Variants in SH3BGRL observed in about 807,000 individuals in gnomAD.
SH3BGRL encodes adapter SH3BGRL.
SH3BGRL carries 7 observed loss-of-function variants against 9.8 expected under a neutral mutation model. That is an observed-to-expected ratio of 0.72 (90% CI 0.41 to 1.35). The LOEUF is 1.35. Ranked by LOEUF, SH3BGRL falls within the 40% of genes most tolerant of loss-of-function variation. The probability of loss-of-function intolerance (pLI) is 0.01; values close to 1 mark genes in which losing one functional copy is unlikely to be tolerated. For missense variants in SH3BGRL, 73 were observed against 84.4 expected, an observed-to-expected ratio of 0.86 and a Z score of 0.53; for synonymous variants, 36 against 29.1, an observed-to-expected ratio of 1.24 and a Z score of -0.76.
chrX:81,215,467 G>A (rs774209208), intron 1 of SH3BGRL, among the ~76,000 whole-genome samples: 9 of 111,024 alleles, frequency 8.1e-5, no homozygotes, highest in African/African-American at 6.6e-5. Flanking sequence ...CCCAGGCTCC[G>A]AAGGACGAGA....
At chrX:81,276,925 C>T (rs867517701) in intron 1 of SH3BGRL, 59 bp from the exon 2 acceptor site, 2 of 1,022,879 alleles carry the variant, frequency 2.0e-6, no homozygotes, top group Middle Eastern at 2.8e-4. Context: ...TCTGCCAGCT[C>T]ACAAACATTT....
intron 1 of SH3BGRL, among the ~76,000 whole-genome samples, chrX:81,223,540 A>T (rs1434729990): frequency 1.4e-4 from 15 of 107,412 alleles, no homozygotes; most frequent in Non-Finnish European, 2.5e-4. Context: ...AAGTCTGATG[A>T]TTTTTTTTTT....
chrX:81,253,498 C>T (rs946980975), intron 1 of SH3BGRL, among the ~76,000 whole-genome samples: 19 of 111,320 alleles, frequency 1.7e-4, no homozygotes, highest in African/African-American at 4.3e-4. Context: ...GAATTACAAG[C>T]GTGAGCCACT....
chrX:81,202,597 A>G, intron 1 of SH3BGRL: 2 of 791,682 alleles, frequency 2.5e-6, no homozygotes, highest in Non-Finnish European at 3.0e-6. Context: ...AGAGTGAGAC[A>G]TTTGATGAAT....
intron 3 of SH3BGRL, among the ~76,000 whole-genome samples, chrX:81,296,315 G>A (rs1332452094): frequency 1.8e-5 from 2 of 111,715 alleles, no homozygotes; most frequent in African/African-American, 3.3e-5. Context: ...TTTCGGTGGG[G>A]ACACAGAGCC....
At chrX:81,224,336 T>G (rs1451918926) in intron 1 of SH3BGRL, among the ~76,000 whole-genome samples, 1 of 111,448 alleles carries the variant, frequency 9.0e-6, no homozygotes, top group African/African-American at 3.3e-5. Flanking sequence ...TAACCTTTGT[T>G]TCATCCCATT....
chrX:81,272,206 A>AAT (rs2075782749), intron 1 of SH3BGRL, among the ~76,000 whole-genome samples: 1 of 108,563 alleles, frequency 9.2e-6, no homozygotes, highest in South Asian at 4.0e-4. Flanking sequence ...AAAAAAAAAA[A>AAT]AAAAAAGGAA....
At chrX:81,295,029 A>G (rs1372811307) in intron 3 of SH3BGRL, among the ~76,000 whole-genome samples, 1 of 112,406 alleles carries the variant, frequency 8.9e-6, no homozygotes, top group Non-Finnish European at 1.9e-5. Flanking sequence ...CGTTGTATCT[A>G]GGAAGTAATG....
intron 3 of SH3BGRL, among the ~76,000 whole-genome samples, chrX:81,283,544 A>C (rs1446055738): frequency 8.9e-6 from 1 of 112,255 alleles, no homozygotes; most frequent in East Asian, 2.8e-4. Context: ...GATGCACCAC[A>C]TAAACAGAAT....
rs1033211259 is a variant in SH3BGRL, at chrX:81,256,305, A to C, written c.46-20679A>C. Among the ~76,000 whole-genome samples the C allele has an allele frequency of 3.6e-5, 4 of 111,850 alleles. No homozygotes were observed. The East Asian group carries it at 8.4e-4, about 23-fold the overall frequency. The stretch of plus-strand genomic sequence containing the variant: ...AGGTGCCAATCTAAGAAAAAGAGCA[A>C]TTTTACAATTTGGCAGGATGTTCTT... On this transcript the variant is annotated intron_variant, in intron 1 of 3. Transcript: ENST00000373212.
chrX:81,248,429 T>C (rs936170900), intron 1 of SH3BGRL, among the ~76,000 whole-genome samples: 1 of 112,302 alleles, frequency 8.9e-6, no homozygotes, highest in Non-Finnish European at 1.9e-5. Context: ...CACAGACTAG[T>C]TCCAGGTCAA....
chrX:81,247,025 A>T, intron 1 of SH3BGRL, among the ~76,000 whole-genome samples: 1 of 111,832 alleles, frequency 8.9e-6, no homozygotes, highest in East Asian at 2.8e-4. Flanking sequence ...GATCTTTCAC[A>T]TTTTGGTTTG....
chrX:81,271,504 G>T (rs2075779542), intron 1 of SH3BGRL, among the ~76,000 whole-genome samples: 1 of 111,988 alleles, frequency 8.9e-6, no homozygotes, highest in African/African-American at 3.2e-5. Flanking sequence ...GGTGAGGAAT[G>T]ATAAGAAAAT....
At chrX:81,233,083 A>C (rs999604369) in intron 1 of SH3BGRL, among the ~76,000 whole-genome samples, 1 of 111,415 alleles carries the variant, frequency 9.0e-6, no homozygotes, top group Non-Finnish European at 1.9e-5. Context: ...CAATTGTGGG[A>C]TTCACCTTTT....
At chrX:81,252,793 G>A (rs1415576718) in intron 1 of SH3BGRL, among the ~76,000 whole-genome samples, 2 of 112,000 alleles carry the variant, frequency 1.8e-5, no homozygotes, top group African/African-American at 6.5e-5. Flanking sequence ...CACATTTTTG[G>A]TAAGCAGTTC....
At chrX:81,258,620 G>A (rs1355953781) in intron 1 of SH3BGRL, among the ~76,000 whole-genome samples, 3 of 112,401 alleles carry the variant, frequency 2.7e-5, no homozygotes, top group Admixed American at 1.9e-4. Context: ...GAAGTGGGGA[G>A]AATTATCTTC....
intron 1 of SH3BGRL, among the ~76,000 whole-genome samples, chrX:81,213,468 A>G (rs902953817): frequency 1.8e-5 from 2 of 112,444 alleles, no homozygotes; most frequent in Non-Finnish European, 3.8e-5. Context: ...TGCACATAAT[A>G]GCGTTATGCA....
intron 1 of SH3BGRL, 163 bp downstream of exon 1, chrX:81,202,408 C>A (rs1871538942): frequency 1.0e-6 from 1 of 992,884 alleles, no homozygotes; most frequent in East Asian, 4.5e-5. Flanking sequence ...TTTGTTGCAT[C>A]GATTTCATTT....
chrX:81,204,671 T>C (rs768218738), intron 1 of SH3BGRL, among the ~76,000 whole-genome samples: 1 of 108,715 alleles, frequency 9.2e-6, no homozygotes. Flanking sequence ...GGCAAGACAA[T>C]GTTAACTTAT....
Sources: allele counts gnomAD v4.1 joint callset (sites outside exome capture counted in the v4.1 genomes callset), GRCh38; gene constraint gnomAD v4.1.1; transcripts MANE v1.5; gene names NCBI Gene and HGNC (gene_info 2026-07-23, HGNC 2026-07-21).